The following TLN1 variants were observed in gnomAD, a reference collection of about 807,000 sequenced individuals.
TLN1 encodes talin-1.
In TLN1, 56 loss-of-function variants were observed where a neutral mutation model predicts 292.3. The ratio of observed to expected loss-of-function variants is 0.19; its 90% confidence interval spans 0.15 to 0.24. TLN1 has a LOEUF of 0.24. TLN1 is among the 10% of genes least tolerant of loss of function. TLN1 has a pLI of 1.00. For missense variants in TLN1, 2,433 were observed against 3,248.2 expected, an observed-to-expected ratio of 0.75 and a Z score of 6.10; for synonymous variants, 1,119 against 1,253.7, an observed-to-expected ratio of 0.89 and a Z score of 2.27.
At chr9:35,702,961 TAC>T (rs1825492335) in intron 48 of TLN1, among the ~76,000 whole-genome samples, 1 of 151,950 alleles carries the variant, frequency 6.6e-6, no homozygotes, top group Non-Finnish European at 1.5e-5. Flanking sequence ...GGTGAAAAAA[TAC>T]AGTTGTCACA....
At position 35,699,707 on chromosome 9, in the gene TLN1, C is replaced by T. The variant is rs543148251; in HGVS notation, c.6769-246G>A. ...GAGAATGATGAGATGAAAGAGGAGACGACGAAAGTAGAGAAGGGGGTGGTC... is the reference window on the plus strand; with the variant it reads ...GAGAATGATGAGATGAAAGAGGAGATGACGAAAGTAGAGAAGGGGGTGGTC... On this transcript the variant is annotated intron_variant, in intron 50 of 56. Transcript: ENST00000314888. The surrounding 1 kb of genome is among the most constrained non-coding windows in gnomAD (Gnocchi z 4.0). 1.7e-4 allele frequency: 171 copies of T among 984,092 alleles called. No individual in the cohort carries two copies. The highest frequency in any genetic ancestry group is 1.9e-4 in the Non-Finnish European group (159 of 829,678). The allele number at this position is 984,092 out of a possible 1,614,324, so 61.0% of individuals were successfully genotyped here.
At chr9:35,723,917 G>C (rs750860405) in intron 7 of TLN1, 35 bp downstream of exon 7, 1 of 1,611,248 alleles carries the variant, frequency 6.2e-7, no homozygotes, top group Non-Finnish European at 8.5e-7. Context: ...AGGGAGTCCT[G>C]GGCCCTGACA....
In TLN1 at chr9:35,719,876, A is replaced by C. The variant is rs911523941; in HGVS notation, c.1465-23T>G. The C allele has an allele frequency of 6.4e-7, 1 of 1,573,238 alleles. No individual in the cohort carries two copies. Among genetic ancestry groups the C allele is most frequent in the Non-Finnish European group, 8.6e-7 (1 of 1,157,914 alleles). ...AGTCTAAAGACAAGTGGGGAGAAAC[A>C]GGGACTGGAATGGATGTTTGGAGAA... On this transcript the variant is annotated intron_variant, in intron 13 of 56. Transcript: ENST00000314888. The surrounding 1 kb of genome is among the most constrained non-coding windows in gnomAD (Gnocchi z 4.6).
Position 35,719,163 on chromosome 9 carries a change from C to T in TLN1, c.1807G>A (p.Gly603Ser), listed in dbSNP as rs1433483925. 9.9e-6 allele frequency: 16 copies of T among 1,614,182 alleles called. No individual in the cohort carries two copies. The highest frequency in any genetic ancestry group is 4.4e-5 in the South Asian group (4 of 91,086). ...GCCTGCAACAGGGGCCGACCACTGCCGCCTTCGTCCTCCAGCAAGGCAGCC... is the reference window on the plus strand; with the variant it reads ...GCCTGCAACAGGGGCCGACCACTGCTGCCTTCGTCCTCCAGCAAGGCAGCC... ...LLAALLEDEG[G>S]SGRPLLQAAK... Residue 603 changes from glycine to serine, a missense_variant, in exon 16 of 57, where the codon GGC becomes AGC. Transcript: ENST00000314888. The surrounding 1 kb of genome is among the most constrained non-coding windows in gnomAD (Gnocchi z 4.6).
Position 35,713,212 on chromosome 9 carries a change from G to A in TLN1, c.3336C>T (p.Gly1112=), listed in dbSNP as rs2131894825. 1.3e-6 allele frequency: 2 copies of A among 1,595,416 alleles called. No homozygotes were observed. Among genetic ancestry groups the A allele is most frequent in the East Asian group, 2.3e-5 (1 of 44,244 alleles). Reference sequence around the variant, plus strand: ...CCCACATACCTGCATAATTCTCATTGCCCTGGGCAACCTCTCCCAGTAGCT... The same window carrying A: ...CCCACATACCTGCATAATTCTCATTACCCTGGGCAACCTCTCCCAGTAGCT... ...IAQLLGEVAQ[G]NENYAGIAAR... is the part of the protein sequence containing the mutation. The change falls in exon 26 of 57, where the codon GGC becomes GGT. Residue 1112 remains glycine (G), a synonymous_variant. Transcript: ENST00000314888.
intron 19 of TLN1, 32 bp from the exon 20 acceptor site, chr9:35,716,588 G>C: frequency 6.2e-7 from 1 of 1,606,958 alleles, no homozygotes; most frequent in Non-Finnish European, 8.5e-7. Flanking sequence ...AGGCGAGGAA[G>C]CCAGAGACAC....
At position 35,714,563 on chromosome 9, in the gene TLN1, G is replaced by A. The variant is rs552032340; in HGVS notation, c.2985+11C>T. ...AGGTCAGGTCAGAGAAGTGCAGAGG[G>A]GGTGCCTTGCCTGCAGGAAGCTCTG... On this transcript the variant is annotated intron_variant, in intron 23 of 56. Coordinates refer to ENST00000314888, the MANE Select transcript of TLN1 (RefSeq NM_006289.4). The surrounding 1 kb of genome is among the most constrained non-coding windows in gnomAD (Gnocchi z 4.6). 6.2e-7 allele frequency: 1 copy of A among 1,606,938 alleles called. No homozygotes were observed. Among genetic ancestry groups the A allele is most frequent in the African/African-American group, 1.3e-5 (1 of 75,046 alleles).
chr9:35,700,487 T>TA (rs142757899), intron 48 of TLN1, 111 bp from the exon 49 acceptor site: 1 of 1,137,766 alleles, frequency 8.8e-7, no homozygotes, highest in East Asian at 2.5e-5. Flanking sequence ...ACAGTGAATG[T>TA]AACAAGGCAG....
chr9:35,728,155 G>A (rs1198857124), intron 1 of TLN1, among the ~76,000 whole-genome samples: 2 of 152,140 alleles, frequency 1.3e-5, no homozygotes, highest in South Asian at 4.1e-4. Flanking sequence ...GGGGAATGGA[G>A]GACAGGAGGT....
At position 35,710,903 on chromosome 9, in the gene TLN1, C is replaced by T. The variant is rs1825656905; in HGVS notation, c.4114-17G>A. 1.2e-5 allele frequency: 19 copies of T among 1,613,864 alleles called. No individual in the cohort carries two copies. Among genetic ancestry groups the T allele is most frequent in the Admixed American group, 1.7e-5 (1 of 59,982 alleles). ...CCGGACCGTCTGTGTAGGGGGAGGG[C>T]AAAGTGAGATCCAAGACACCTCCCT... On this transcript the variant is annotated splice_polypyrimidine_tract_variant and intron_variant, in intron 31 of 56. Transcript: ENST00000314888.
Position 35,711,645 on chromosome 9 carries a change from C to T in TLN1, c.3829G>A (p.Asp1277Asn). 2 of 1,614,156 alleles carry T rather than the reference C, an allele frequency of 1.2e-6. No homozygotes were observed. The highest frequency in any genetic ancestry group is 2.2e-5 in the East Asian group (1 of 44,888). ...LARASGRFGQ[D>N]FSTFLEAGVE... is the part of the protein sequence containing the mutation. ...CCAGCTTCCAGGAAGGTGCTGAAGTCCTGTCCAAATCGGCCTGAGGCTCGA... is the reference window on the plus strand; with the variant it reads ...CCAGCTTCCAGGAAGGTGCTGAAGTTCTGTCCAAATCGGCCTGAGGCTCGA... Residue 1277 changes from aspartate to asparagine, a missense_variant, in exon 29 of 57, where the codon GAC becomes AAC. Coordinates refer to ENST00000314888, the MANE Select transcript of TLN1 (RefSeq NM_006289.4).
rs1226775205 is a variant in TLN1, at chr9:35,704,296, CCTGT to C, written c.6047+32_6047+35del. On this transcript the variant is annotated intron_variant, in intron 45 of 56. Transcript: ENST00000314888. The surrounding 1 kb of genome is among the most constrained non-coding windows in gnomAD (Gnocchi z 6.9). ...TGCCTCTTCCAGCCCCGTGCCCCGA[CCTGT>C]CTGCCTCCCTTAGGCCCAGTTCCTG... 1.9e-6 allele frequency: 3 copies of C among 1,603,054 alleles called. No individual in the cohort carries two copies. The highest frequency in any genetic ancestry group is 2.6e-6 in the Non-Finnish European group (3 of 1,173,748).
Position 35,706,115 on chromosome 9 carries a change from T to C in TLN1, c.5362-4A>G, listed in dbSNP as rs1825561070. On this transcript the variant is annotated splice_region_variant and splice_polypyrimidine_tract_variant and intron_variant, in intron 40 of 56. Coordinates refer to ENST00000314888, the MANE Select transcript of TLN1 (RefSeq NM_006289.4). The surrounding 1 kb of genome is among the most constrained non-coding windows in gnomAD (Gnocchi z 4.2). The stretch of plus-strand genomic sequence containing the variant: ...CTTCCTGGGTGTGAGCTGCTTGCTG[T>C]GGGGAGAGGAGAGGAGCTCTGTTGT... 1 of 1,614,084 alleles carries C rather than the reference T, an allele frequency of 6.2e-7. No homozygotes were observed. The highest frequency in any genetic ancestry group is 8.5e-7 in the Non-Finnish European group (1 of 1,179,982).
intron 25 of TLN1, 109 bp downstream of exon 25, chr9:35,713,840 GAGAA>G: frequency 7.0e-6 from 8 of 1,150,342 alleles, no homozygotes; most frequent in Non-Finnish European, 9.6e-6. Context: ...AAATAAAAGA[GAGAA>G]AGAGAAAAAA....
At chr9:35,721,882 T>C (rs145596830) in intron 9 of TLN1, 79 bp from the exon 10 acceptor site, 8 of 1,562,046 alleles carry the variant, frequency 5.1e-6, no homozygotes, top group African/African-American at 2.7e-5. Flanking sequence ...CTTGCAGCCA[T>C]AGGGGATGTT....
Position 35,704,365 on chromosome 9 carries a change from T to G in TLN1, c.6014A>C (p.Asn2005Thr). Residue 2005 changes from asparagine to threonine, a missense_variant, in exon 45 of 57, where the codon AAT becomes ACT. Around this residue, in one of 7 missense-constraint regions of TLN1, gnomAD observed 1,384 missense variants for 1,699.6 expected, o/e 0.81. Transcript: ENST00000314888. This position sits in a 1 kb window ranked among gnomAD's most constrained non-coding sequence, Gnocchi z 6.9. ...TIMFATAGTL[N>T]REGTETFADH... Reference sequence around the variant, plus strand: ...AGCGAAAGTTTCAGTACCCTCACGATTGAGCGTGCCAGCAGTGGCGAACAT... The same window carrying G: ...AGCGAAAGTTTCAGTACCCTCACGAGTGAGCGTGCCAGCAGTGGCGAACAT... The G allele has an allele frequency of 6.2e-7, 1 of 1,614,112 alleles. No individual in the cohort carries two copies. Among genetic ancestry groups the G allele is most frequent in the Non-Finnish European group, 8.5e-7 (1 of 1,180,002 alleles).
Position 35,704,185 on chromosome 9 carries a change from G to T in TLN1, c.6048-11C>A, listed in dbSNP as rs1587977544. 1.9e-6 allele frequency: 3 copies of T among 1,581,332 alleles called. No homozygotes were observed. In the Admixed American group the frequency reaches 5.3e-5, roughly 28 times the overall value. On this transcript the variant is annotated splice_polypyrimidine_tract_variant and intron_variant, in intron 45 of 56. Transcript: ENST00000314888. This position sits in a 1 kb window ranked among gnomAD's most constrained non-coding sequence, Gnocchi z 6.9. ...TTCAGGATGCCCTCCCTGAGGGAGGGCCCAGCTTAGTCAGATCTCCCCTAC... is the reference window on the plus strand; with the variant it reads ...TTCAGGATGCCCTCCCTGAGGGAGGTCCCAGCTTAGTCAGATCTCCCCTAC...
rs771186284 is a variant in TLN1 at position 35,707,511 on chromosome 9, C to A, written c.4633-23G>T. Reference sequence around the variant, plus strand: ...CGCCTAGAAGTGACAGAGAGGCTCTCAGGACTTGGGATGCAGTCATAGGGG... The same window carrying A: ...CGCCTAGAAGTGACAGAGAGGCTCTAAGGACTTGGGATGCAGTCATAGGGG... On this transcript the variant is annotated intron_variant, in intron 35 of 56. Coordinates refer to ENST00000314888, the MANE Select transcript of TLN1 (RefSeq NM_006289.4). This position sits in a 1 kb window ranked among gnomAD's most constrained non-coding sequence, Gnocchi z 5.6. The A allele has an allele frequency of 1.2e-6, 2 of 1,612,510 alleles. No homozygotes were observed. The highest frequency in any genetic ancestry group is 1.1e-5 in the South Asian group (1 of 91,004).
chr9:35,707,641 T>C lies in TLN1; in HGVS notation c.4632+90A>G, dbSNP rs1314675180. ...AGAGCTTGGGCTCAGGCAGAGGGGA[T>C]TTGGTAGAAGGCTTCAGAGAATAAC... On this transcript the variant is annotated intron_variant, in intron 35 of 56. Coordinates refer to ENST00000314888, the MANE Select transcript of TLN1 (RefSeq NM_006289.4). This position sits in a 1 kb window ranked among gnomAD's most constrained non-coding sequence, Gnocchi z 5.6. 6.3e-7 allele frequency: 1 copy of C among 1,591,648 alleles called. No homozygotes were observed. The highest frequency in any genetic ancestry group is 1.3e-5 in the African/African-American group (1 of 74,346).
Sources: gnomAD v4.1 joint callset for allele counts (sites outside exome capture counted in the v4.1 genomes callset) on GRCh38, gnomAD v4.1.1 for gene constraint, gnomAD v4.1.1 regional missense constraint, Gnocchi (gnomAD v3.1) non-coding constraint, MANE v1.5 for transcripts, NCBI Gene and HGNC (gene_info 2026-07-23, HGNC 2026-07-21) for gene names.